FHIT: variants seen among roughly 807,000 people sequenced by gnomAD.
FHIT encodes the protein fragile histidine triad diadenosine triphosphatase.
A neutral mutation model predicts 17.9 loss-of-function variants in FHIT; 19 were observed. The ratio of observed to expected loss-of-function variants is 1.06; its 90% confidence interval spans 0.74 to 1.56. The LOEUF is 1.56. FHIT is among the 40% of genes most tolerant of loss of function. The probability of loss-of-function intolerance (pLI) is 0.00; values close to 1 mark genes in which losing one functional copy is unlikely to be tolerated. For missense variants in FHIT, 248 were observed against 189.2 expected, an observed-to-expected ratio of 1.31 and a Z score of -1.82; for synonymous variants, 81 against 69.7, an observed-to-expected ratio of 1.16 and a Z score of -0.81.
intron 8 of FHIT, among the ~76,000 whole-genome samples, chr3:59,786,741 T>C (rs1559604748): frequency 6.6e-6 from 1 of 152,250 alleles, no homozygotes; most frequent in Non-Finnish European, 1.5e-5. Flanking sequence ...TGAAAGTAAC[T>C]GCCATGTTTA....
At chr3:59,762,575 A>G (rs570793583) in intron 8 of FHIT, among the ~76,000 whole-genome samples, 1 of 152,312 alleles carries the variant, frequency 6.6e-6, no homozygotes, top group South Asian at 2.1e-4. Context: ...AATTTGCTGT[A>G]TGTCTAGTGC....
intron 5 of FHIT, among the ~76,000 whole-genome samples, chr3:60,396,302 A>G (rs1020795530): frequency 1.3e-5 from 2 of 152,196 alleles, no homozygotes; most frequent in Admixed American, 6.5e-5. Flanking sequence ...TCACTCACAT[A>G]TAGGGATCTA....
chr3:60,290,627 A>T (rs548755461), intron 5 of FHIT, among the ~76,000 whole-genome samples: 1 of 152,158 alleles, frequency 6.6e-6, no homozygotes, highest in Non-Finnish European at 1.5e-5. Flanking sequence ...CTTATCAAGG[A>T]AAGGTCTAGA....
intron 5 of FHIT, among the ~76,000 whole-genome samples, chr3:60,468,576 C>G (rs567089440): frequency 6.6e-6 from 1 of 152,070 alleles, no homozygotes; most frequent in East Asian, 1.9e-4. Context: ...AATAAAAACA[C>G]TATACTTTTC....
intron 5 of FHIT, among the ~76,000 whole-genome samples, chr3:60,447,394 A>G (rs1242633423): frequency 6.6e-6 from 1 of 150,952 alleles, no homozygotes; most frequent in African/African-American, 2.5e-5. Context: ...CTTAATCCAT[A>G]TGTTACATAG....
chr3:61,185,395 G>A (rs1483904558), intron 2 of FHIT, among the ~76,000 whole-genome samples: 1 of 152,134 alleles, frequency 6.6e-6, no homozygotes, highest in African/African-American at 2.4e-5. Context: ...TTATCCTCAG[G>A]AAAGCAGTGG....
intron 1 of FHIT, among the ~76,000 whole-genome samples, chr3:61,210,443 G>A (rs1276169734): frequency 6.6e-6 from 1 of 152,244 alleles, no homozygotes; most frequent in African/African-American, 2.4e-5. Context: ...TTGAGCTGTG[G>A]TGGGATCCAC....
chr3:60,117,102 G>A (rs983431296), intron 5 of FHIT, among the ~76,000 whole-genome samples: 14 of 151,938 alleles, frequency 9.2e-5, no homozygotes, highest in Admixed American at 9.2e-4. Flanking sequence ...CAGGCTTACT[G>A]GATTAGAACT....
chr3:60,707,128 C>T (rs531256660), intron 4 of FHIT, among the ~76,000 whole-genome samples: 3 of 152,116 alleles, frequency 2.0e-5, no homozygotes, highest in South Asian at 2.1e-4. Context: ...GGCACCTCTG[C>T]GGTAAGTGGC....
chr3:60,315,591 C>G (rs985963665), intron 5 of FHIT, among the ~76,000 whole-genome samples: 7 of 152,212 alleles, frequency 4.6e-5, no homozygotes, highest in African/African-American at 9.6e-5. Flanking sequence ...AACATACTAT[C>G]TGTGAAATTC....
At chr3:60,497,238 G>A (rs1226743953) in intron 5 of FHIT, among the ~76,000 whole-genome samples, 11 of 151,962 alleles carry the variant, frequency 7.2e-5, no homozygotes, top group Admixed American at 3.3e-4. Flanking sequence ...TTACAAGGTT[G>A]AGAAAGGCAG....
At chr3:60,708,752 G>C (rs1218380423) in intron 4 of FHIT, among the ~76,000 whole-genome samples, 1 of 152,152 alleles carries the variant, frequency 6.6e-6, no homozygotes, top group African/African-American at 2.4e-5. Context: ...TTGTTGGCAA[G>C]GGAACAGTAT....
chr3:60,461,141 C>A (rs1169346453), intron 5 of FHIT, among the ~76,000 whole-genome samples: 1 of 152,070 alleles, frequency 6.6e-6, no homozygotes, highest in Admixed American at 6.6e-5. Flanking sequence ...AAAATAAAAT[C>A]TTTATTTAAT....
chr3:60,124,975 T>A (rs765358315), intron 5 of FHIT, among the ~76,000 whole-genome samples: 24 of 152,192 alleles, frequency 1.6e-4, no homozygotes, highest in Non-Finnish European at 2.5e-4. Context: ...AAATTCTCTA[T>A]TTTAGTAAGT....
At chr3:61,185,411 C>T (rs375827705) in intron 2 of FHIT, among the ~76,000 whole-genome samples, 6 of 152,170 alleles carry the variant, frequency 3.9e-5, no homozygotes, top group African/African-American at 1.4e-4. Context: ...AGTGGCCAAG[C>T]AGACACAAGT....
chr3:60,525,257 C>A (rs1047894927), intron 5 of FHIT, among the ~76,000 whole-genome samples: 1 of 152,124 alleles, frequency 6.6e-6, no homozygotes, highest in Non-Finnish European at 1.5e-5. Context: ...ATGAGAAGAA[C>A]CTGATATACA....
chr3:60,245,973 A>G (rs1213786611), intron 5 of FHIT, among the ~76,000 whole-genome samples: 1 of 152,124 alleles, frequency 6.6e-6, no homozygotes, highest in Non-Finnish European at 1.5e-5. Context: ...ATCAAAAGAT[A>G]TAAAAAAAAT....
intron 3 of FHIT, among the ~76,000 whole-genome samples, chr3:61,027,530 A>T (rs2032797100): frequency 6.6e-6 from 1 of 152,226 alleles, no homozygotes; most frequent in Non-Finnish European, 1.5e-5. Context: ...AAATCAGCCA[A>T]ACTGGCAAAT....
At chr3:61,100,782 GT>G (rs1241651640) in intron 2 of FHIT, among the ~76,000 whole-genome samples, 14 of 152,146 alleles carry the variant, frequency 9.2e-5, no homozygotes, top group Non-Finnish European at 1.8e-4. Flanking sequence ...TCTCATCGTG[GT>G]TTTGATTTGC....
Sources: gnomAD v4.1 joint callset for allele counts (sites outside exome capture counted in the v4.1 genomes callset) on GRCh38, gnomAD v4.1.1 for gene constraint, MANE v1.5 for transcripts, NCBI Gene and HGNC (gene_info 2026-07-23, HGNC 2026-07-21) for gene names.